The following CPNE5 variants were observed in gnomAD, a reference collection of about 807,000 sequenced individuals.
CPNE5 encodes copine 5.
A neutral mutation model predicts 81.1 loss-of-function variants in CPNE5; 42 were observed. That is an observed-to-expected ratio of 0.52 (90% CI 0.40 to 0.67). The LOEUF (loss-of-function observed/expected upper bound fraction) is 0.67. Ranked by LOEUF, CPNE5 falls within the 30% of genes least tolerant of loss-of-function variation. The pLI is 0.00. For synonymous variants in CPNE5, 313 were observed against 321.5 expected (o/e 0.97, Z 0.28); for missense variants, 612 against 815.5 (o/e 0.75, Z 3.04).
At chr6:36,757,423 A>G (rs1765591748) in intron 12 of CPNE5, 1 of 953,352 alleles carries the variant, frequency 1.0e-6, no homozygotes. Context: ...CAAGAAGGAA[A>G]CTAAAGCACA....
At chr6:36,776,120 G>A (rs1000500884) in intron 9 of CPNE5, among the ~76,000 whole-genome samples, 14 of 152,166 alleles carry the variant, frequency 9.2e-5, no homozygotes, top group African/African-American at 3.4e-4. Context: ...ATGCTTGGCT[G>A]GACCCATCCT....
chr6:36,823,761 A>G (rs1384391065), intron 1 of CPNE5, among the ~76,000 whole-genome samples: 1 of 152,208 alleles, frequency 6.6e-6, no homozygotes, highest in Non-Finnish European at 1.5e-5. Context: ...TCCATGCAAT[A>G]AAGGCTCCCA....
intron 3 of CPNE5, among the ~76,000 whole-genome samples, chr6:36,809,211 G>GA (rs1770874662): frequency 6.6e-6 from 1 of 151,656 alleles, no homozygotes; most frequent in African/African-American, 2.4e-5. Flanking sequence ...GAGAGAGAGA[G>GA]GAGAGAGAGA....
chr6:36,780,265 C>A (rs2150471839), intron 8 of CPNE5, among the ~76,000 whole-genome samples: 1 of 152,282 alleles, frequency 6.6e-6, no homozygotes, highest in East Asian at 1.9e-4. Flanking sequence ...ACCTGGCCCC[C>A]CCTTCCTCTT....
intron 8 of CPNE5, among the ~76,000 whole-genome samples, chr6:36,779,705 G>C (rs1767852435): frequency 6.6e-6 from 1 of 152,160 alleles, no homozygotes; most frequent in Admixed American, 6.5e-5. Context: ...CCCTGCCCCA[G>C]CTGACCCAAC....
intron 10 of CPNE5, among the ~76,000 whole-genome samples, chr6:36,769,686 T>C (rs980978282): frequency 2.6e-5 from 4 of 152,174 alleles, no homozygotes; most frequent in African/African-American, 7.2e-5. Context: ...GGCCCCCAGG[T>C]TGCACTGCGC....
intron 11 of CPNE5, among the ~76,000 whole-genome samples, chr6:36,764,044 C>T (rs55936314): frequency 0.016 from 2,389 of 152,154 alleles, 46 homozygotes; most frequent in African/African-American, 0.045. Context: ...GGCATCCAGC[C>T]GGAGACTGAT....
intron 8 of CPNE5, 32 bp downstream of exon 8, chr6:36,792,001 C>G: frequency 6.2e-7 from 1 of 1,602,842 alleles, no homozygotes; most frequent in Non-Finnish European, 8.5e-7. Context: ...CCACCCCAAC[C>G]ACGTCCTGTG....
intron 1 of CPNE5, among the ~76,000 whole-genome samples, chr6:36,835,534 G>A (rs1000715057): frequency 1.3e-5 from 2 of 152,176 alleles, no homozygotes; most frequent in Non-Finnish European, 2.9e-5. Context: ...AGTGGCTGAC[G>A]CCTGTAATCC....
At chr6:36,803,724 T>A (rs746187610) in intron 3 of CPNE5, among the ~76,000 whole-genome samples, 1 of 152,226 alleles carries the variant, frequency 6.6e-6, no homozygotes, top group Non-Finnish European at 1.5e-5. Context: ...TTAACAGGCT[T>A]TGATAATAAA....
intron 8 of CPNE5, among the ~76,000 whole-genome samples, chr6:36,782,983 A>T (rs1455597603): frequency 1.3e-5 from 2 of 152,052 alleles, no homozygotes; most frequent in Non-Finnish European, 2.9e-5. Flanking sequence ...AATGTAGAAG[A>T]ATAGCGCCCC....
intron 11 of CPNE5, 128 bp downstream of exon 11, chr6:36,765,207 C>A: frequency 1.6e-4 from 125 of 796,220 alleles, no homozygotes; most frequent in Middle Eastern, 5.0e-4. Context: ...CACACGCAAA[C>A]CCAGGCTCCC....
At position 36,792,092 on chromosome 6, in the gene CPNE5, C is replaced by T; in HGVS notation, c.469G>A (p.Val157Ile). 1 of 1,613,784 alleles carries T rather than the reference C, an allele frequency of 6.2e-7. No individual in the cohort carries two copies. The highest frequency in any genetic ancestry group is 8.5e-7 in the Non-Finnish European group (1 of 1,179,702). Residue 157 changes from valine to isoleucine, a missense_variant, in exon 8 of 21, where the codon GTC (valine) becomes ATC (isoleucine). Coordinates refer to ENST00000244751, the MANE Select transcript of CPNE5 (RefSeq NM_020939.2). ...ATGGTGCCACATTTCTTTCCTGGGA[C>T]ACCACTGGGAGAGGAGAAGATGAAA... ...KPMPAVSNGGVPGKKCGTIIL... is the reference protein window; with the variant it reads ...KPMPAVSNGGIPGKKCGTIIL...
intron 16 of CPNE5, among the ~76,000 whole-genome samples, chr6:36,745,780 G>A (rs1357830450): frequency 5.9e-5 from 9 of 152,164 alleles, no homozygotes; most frequent in African/African-American, 1.9e-4. Context: ...GCTTCCCTCA[G>A]GGAACCTTGG....
chr6:36,837,326 G>A (rs1411513433), intron 1 of CPNE5, among the ~76,000 whole-genome samples: 4 of 152,236 alleles, frequency 2.6e-5, no homozygotes, highest in African/African-American at 9.6e-5. Flanking sequence ...TACCTGACAG[G>A]TGGGGGAAAC....
intron 14 of CPNE5, among the ~76,000 whole-genome samples, chr6:36,750,185 G>C (rs1351247471): frequency 6.6e-6 from 1 of 152,246 alleles, no homozygotes; most frequent in Non-Finnish European, 1.5e-5. Flanking sequence ...GGCTATGGAT[G>C]ATGTAAGATC....
At chr6:36,788,390 A>G (rs1768781989) in intron 8 of CPNE5, among the ~76,000 whole-genome samples, 1 of 152,072 alleles carries the variant, frequency 6.6e-6, no homozygotes, top group South Asian at 2.1e-4. Context: ...CCCACAAGGG[A>G]CAGAAGGTCG....
intron 7 of CPNE5, among the ~76,000 whole-genome samples, chr6:36,794,160 A>G (rs1769348169): frequency 6.9e-6 from 1 of 144,322 alleles, no homozygotes. Context: ...CAGCCAAAAC[A>G]AGGGAGGGGA....
intron 8 of CPNE5, among the ~76,000 whole-genome samples, chr6:36,783,723 A>C (rs561396037): frequency 1.5e-4 from 23 of 152,150 alleles, no homozygotes; most frequent in Non-Finnish European, 2.8e-4. Context: ...TATGTTGCCC[A>C]GGCTGGTGTT....
Sources: allele counts gnomAD v4.1 joint callset (sites outside exome capture counted in the v4.1 genomes callset), GRCh38; gene constraint gnomAD v4.1.1; transcripts MANE v1.5; gene names NCBI Gene and HGNC (gene_info 2026-07-23, HGNC 2026-07-21).